The following AHRR variants were observed in gnomAD, a reference collection of about 807,000 sequenced individuals.
The protein encoded by AHRR is ahR repressor.
A neutral mutation model predicts 44.0 loss-of-function variants in AHRR; 28 were observed. The observed-to-expected ratio is 0.64, with a 90% CI of 0.47 to 0.87. AHRR has a LOEUF of 0.87. Among genes scored for constraint, AHRR ranks in the 40% least tolerant of loss-of-function variants. The probability of loss-of-function intolerance (pLI) is 0.00; values close to 1 mark genes in which losing one functional copy is unlikely to be tolerated. For missense variants in AHRR, 990 were observed against 953.9 expected (o/e 1.04, Z -0.50); for synonymous variants, 434 against 407.0 (o/e 1.07, Z -0.80).
chr5:344,996 T>G (rs1742563256), intron 2 of AHRR, among the ~76,000 whole-genome samples: 1 of 98,910 alleles, frequency 1.0e-5, no homozygotes, highest in Non-Finnish European at 2.0e-5. Context: ...TGAGGCTGTG[T>G]GTGGGGAGTG....
rs1330730701 is a variant in AHRR at position 326,265 on chromosome 5, C to T, written c.-11+4446C>T. The stretch of plus-strand genomic sequence containing the variant: ...CCAGGCAGTCACTCCCCAGTCCCTG[C>T]TCCCAGGTCCTGGCCACCACGAACC... On this transcript the variant is annotated intron_variant, in intron 1 of 10. Transcript: ENST00000684583. The surrounding 1 kb of genome is among the most constrained non-coding windows in gnomAD (Gnocchi z 4.1). 6.6e-6 allele frequency among the ~76,000 whole-genome samples: 1 copy of T among 152,236 alleles called. No individual in the cohort carries two copies. The highest frequency in any genetic ancestry group is 2.4e-5 in the African/African-American group (1 of 41,462).
chr5:417,227 G>C (rs186330737), intron 5 of AHRR, among the ~76,000 whole-genome samples: 1 of 147,052 alleles, frequency 6.8e-6, no homozygotes, highest in Non-Finnish European at 1.5e-5. Context: ...TGCAGGGCCC[G>C]AGTCTAGAGA....
intron 3 of AHRR, 43 bp from the exon 4 acceptor site, chr5:376,566 GC>G: frequency 6.6e-7 from 1 of 1,517,810 alleles, no homozygotes; most frequent in Admixed American, 2.0e-5. Context: ...GAGTGGCCAG[GC>G]CAAGGGTTGG....
At chr5:430,988 C>G (rs1242740622) in intron 8 of AHRR, among the ~76,000 whole-genome samples, 2 of 152,238 alleles carry the variant, frequency 1.3e-5, no homozygotes, top group African/African-American at 4.8e-5. Flanking sequence ...GGCTCGGGCC[C>G]AGGTCTTCCG....
intron 10 of AHRR, among the ~76,000 whole-genome samples, chr5:433,429 C>T (rs972873188): frequency 2.0e-5 from 3 of 152,212 alleles, no homozygotes; most frequent in African/African-American, 7.2e-5. Context: ...TCCCAAGGCA[C>T]GTGGTGTCCT....
chr5:397,109 C>A (rs527752671), intron 4 of AHRR, among the ~76,000 whole-genome samples: 1 of 113,620 alleles, frequency 8.8e-6, no homozygotes, highest in Admixed American at 9.0e-5. Flanking sequence ...ATCCACGTAG[C>A]CCCTGACCAT....
intron 4 of AHRR, among the ~76,000 whole-genome samples, chr5:377,205 C>T (rs375116026): frequency 6.6e-6 from 1 of 152,166 alleles, no homozygotes; most frequent in African/African-American, 2.4e-5. Flanking sequence ...CTCCCCCATC[C>T]CTGCGACTCT....
Position 326,507 on chromosome 5 carries a change from T to G in AHRR, c.-11+4688T>G, listed in dbSNP as rs1741718197. Among the ~76,000 whole-genome samples, 1 of 152,208 alleles carries G rather than the reference T, an allele frequency of 6.6e-6. No homozygotes were observed. The highest frequency in any genetic ancestry group is 1.5e-5 in the Non-Finnish European group (1 of 68,028). ...TCCCTCAGCTGATGGACATTTAGGTTGTTTACATTTTTTGGCTACTGTGAA... is the reference window on the plus strand; with the variant it reads ...TCCCTCAGCTGATGGACATTTAGGTGGTTTACATTTTTTGGCTACTGTGAA... On this transcript the variant is annotated intron_variant, in intron 1 of 10. Coordinates refer to ENST00000684583, the MANE Select transcript of AHRR (RefSeq NM_001377236.1). The surrounding 1 kb of genome is among the most constrained non-coding windows in gnomAD (Gnocchi z 4.1).
intron 3 of AHRR, among the ~76,000 whole-genome samples, chr5:363,709 C>T (rs764259439): frequency 2.2e-4 from 34 of 152,320 alleles, no homozygotes; most frequent in Middle Eastern, 3.4e-3. Context: ...ACAGTAGGCA[C>T]TTGCAGGCCT....
At chr5:426,585 G>A (rs904164973) in intron 7 of AHRR, among the ~76,000 whole-genome samples, 1 of 150,546 alleles carries the variant, frequency 6.6e-6, no homozygotes, top group Non-Finnish European at 1.5e-5. Context: ...ATGGGTAGGT[G>A]CATAGATGGA....
At chr5:427,623 G>A (rs866608157) in intron 7 of AHRR, 184 bp from the exon 8 acceptor site, 1 of 1,612,900 alleles carries the variant, frequency 6.2e-7, no homozygotes, top group Non-Finnish European at 8.5e-7. Context: ...CAAGCACATC[G>A]AATCACTCTG....
Position 321,858 on chromosome 5 carries a change from G to C in AHRR, c.-11+39G>C, listed in dbSNP as rs1741504577. On this transcript the variant is annotated intron_variant, in intron 1 of 10. Transcript: ENST00000684583. This position sits in a 1 kb window ranked among gnomAD's most constrained non-coding sequence, Gnocchi z 8.3. ...GCGCCCCCGCAGGCCCCCGCCGCGT[G>C]CCGCCCGCGGTGGAGACGGGATGCG... The C allele has an allele frequency of 6.6e-6, 1 of 152,054 alleles. No homozygotes were observed. The highest frequency in any genetic ancestry group is 1.5e-5 in the Non-Finnish European group (1 of 68,060). The allele number at this position is 152,054 out of a possible 1,614,324, so 9.4% of individuals were successfully genotyped here.
chr5:344,382 G>A (rs1742493749), intron 2 of AHRR, among the ~76,000 whole-genome samples: 1 of 139,910 alleles, frequency 7.1e-6, no homozygotes, highest in Non-Finnish European at 1.6e-5. Flanking sequence ...ATGCGAGGCT[G>A]TGTGTCTGCG....
intron 4 of AHRR, among the ~76,000 whole-genome samples, chr5:402,634 A>G (rs993704018): frequency 1.3e-5 from 2 of 152,232 alleles, no homozygotes; most frequent in Non-Finnish European, 2.9e-5. Context: ...TCAAAATGGA[A>G]AACGGAACTT....
chr5:402,975 A>T (rs1735080877), intron 4 of AHRR, among the ~76,000 whole-genome samples: 2 of 152,176 alleles, frequency 1.3e-5, no homozygotes, highest in Non-Finnish European at 2.9e-5. Context: ...TCATATGTGG[A>T]ATCTAAAAAA....
rs1475615072 is a variant in AHRR, at chr5:438,124, C to T, written c.*3290C>T. The stretch of plus-strand genomic sequence containing the variant: ...AGAAAAAAGTTTTCAATACCTAGAC[C>T]AACTTGTTGAATTTTTAAAACTTAT... On this transcript the variant is annotated 3_prime_UTR_variant, in exon 11 of 11. Coordinates refer to ENST00000684583, the MANE Select transcript of AHRR (RefSeq NM_001377236.1). The T allele has an allele frequency of 6.6e-6, 1 of 152,272 alleles. No individual in the cohort carries two copies. The highest frequency in any genetic ancestry group is 1.5e-5 in the Non-Finnish European group (1 of 68,026). The allele number at this position is 152,272 out of a possible 1,614,324, so 9.4% of individuals were successfully genotyped here. A position where few individuals can be genotyped will look rare whatever the true frequency, so the allele number is the denominator to read the frequency against.
In AHRR at chr5:434,118, T is replaced by C. The variant is rs1736874418; in HGVS notation, c.1378T>C (p.Tyr460His). The change falls in exon 11 of 11, where the codon TAC becomes CAC. Residue 460 changes from tyrosine to histidine, a missense_variant. Coordinates refer to ENST00000684583, the MANE Select transcript of AHRR (RefSeq NM_001377236.1). ...SHPPSPSPSA[Y>H]SSRTSRPMRD... ...CCCGCCGAGCCCGTCCCCCAGTGCC[T>C]ACTCCAGCCGGACCAGCAGACCCAT... 1 of 1,612,934 alleles carries C rather than the reference T, an allele frequency of 6.2e-7. No homozygotes were observed. The highest frequency in any genetic ancestry group is 1.7e-5 in the Admixed American group (1 of 59,924).
At chr5:361,297 GGGAGACTGGGTGTGAGCCA>G (rs1743168961) in intron 3 of AHRR, among the ~76,000 whole-genome samples, 1 of 152,230 alleles carries the variant, frequency 6.6e-6, no homozygotes, top group African/African-American at 2.4e-5. Context: ...CCATTGGATA[GGGAGACTGGGTGTGAGCCA>G]GGAGCCCAGC....
At chr5:371,871 C>T (rs545666337) in intron 3 of AHRR, among the ~76,000 whole-genome samples, 1 of 152,314 alleles carries the variant, frequency 6.6e-6, no homozygotes, top group South Asian at 2.1e-4. Context: ...TCTGTCCCTT[C>T]CAACGAGGAT....
Sources: gnomAD v4.1 joint callset for allele counts (sites outside exome capture counted in the v4.1 genomes callset) on GRCh38, gnomAD v4.1.1 for gene constraint, Gnocchi (gnomAD v3.1) non-coding constraint, MANE v1.5 for transcripts, NCBI Gene and HGNC (gene_info 2026-07-23, HGNC 2026-07-21) for gene names.